Variants in ITSN1 observed in about 807,000 individuals in gnomAD.
The protein encoded by ITSN1 is intersectin-1.
In ITSN1, 58 loss-of-function variants were observed where a neutral mutation model predicts 239.8. That is an observed-to-expected ratio of 0.24 (90% CI 0.20 to 0.30). The LOEUF (loss-of-function observed/expected upper bound fraction) is 0.30, where lower values mean the gene tolerates loss of function less well. Among genes scored for constraint, ITSN1 ranks in the 10% least tolerant of loss-of-function variants. The pLI, the probability that ITSN1 is intolerant of heterozygous loss-of-function variation, is 1.00. For synonymous variants in ITSN1, 780 were observed against 770.8 expected, an observed-to-expected ratio of 1.01 and a Z score of -0.20; for missense variants, 1,558 against 2,103.3, an observed-to-expected ratio of 0.74 and a Z score of 5.07.
At chr21:33,811,783 G>A (rs566023907) in intron 21 of ITSN1, among the ~76,000 whole-genome samples, 1 of 152,326 alleles carries the variant, frequency 6.6e-6, no homozygotes, top group East Asian at 1.9e-4. Context: ...AAAACTGTGT[G>A]TAAGCAGAGG....
rs530203635 is a variant in ITSN1 at position 33,720,507 on chromosome 21, A to G, written c.29-671A>G. Among the ~76,000 whole-genome samples, 209 of 152,286 alleles carry G rather than the reference A, an allele frequency of 1.4e-3. 1 individual carries two copies. The highest frequency in any genetic ancestry group is 2.3e-3 in the Non-Finnish European group (158 of 68,014). ...TCAGCCTAAGAGCTGAAACTGAAGG[A>G]AAACCTAAAACCCATTCTCTTTGGC... On this transcript the variant is annotated intron_variant, in intron 2 of 39. Transcript: ENST00000381318.
At chr21:33,650,324 C>T (rs772652018) in intron 1 of ITSN1, among the ~76,000 whole-genome samples, 6 of 152,100 alleles carry the variant, frequency 3.9e-5, no homozygotes, top group African/African-American at 9.7e-5. Context: ...TTAAGAAGGA[C>T]GCTGACTCTT....
intron 28 of ITSN1, among the ~76,000 whole-genome samples, chr21:33,834,696 A>G (rs148272710): frequency 1.1e-4 from 17 of 151,528 alleles, no homozygotes; most frequent in African/African-American, 4.1e-4. Context: ...TTAAGGCCAC[A>G]TTTTCCTCTT....
intron 11 of ITSN1, 126 bp from the exon 12 acceptor site, chr21:33,771,935 C>G (rs780801806): frequency 4.1e-5 from 43 of 1,036,296 alleles, no homozygotes; most frequent in Non-Finnish European, 5.0e-5. Context: ...AACAAGGACA[C>G]AGAAGCTTAG....
rs1265786173 is a variant in ITSN1, at chr21:33,735,221, A to G, written c.346+17A>G. ...CAGCATTTGGTAAGTCTGAAAATGA[A>G]TTGGTTTCTGTATTTTCTTGTATAT... On this transcript the variant is annotated intron_variant, in intron 5 of 39. Transcript: ENST00000381318. 8.1e-6 allele frequency: 13 copies of G among 1,608,802 alleles called. No homozygotes were observed. The highest frequency in any genetic ancestry group is 1.1e-5 in the Non-Finnish European group (13 of 1,177,126).
chr21:33,646,135 A>T (rs937534714), intron 1 of ITSN1, among the ~76,000 whole-genome samples: 5 of 152,128 alleles, frequency 3.3e-5, no homozygotes, highest in African/African-American at 9.7e-5. Context: ...TTACAAAAAA[A>T]TTTTTTTTAG....
At chr21:33,771,402 A>G (rs2069148239) in intron 11 of ITSN1, among the ~76,000 whole-genome samples, 1 of 152,220 alleles carries the variant, frequency 6.6e-6, no homozygotes, top group Non-Finnish European at 1.5e-5. Flanking sequence ...GAAATGAAAT[A>G]GACACTGCTG....
intron 1 of ITSN1, among the ~76,000 whole-genome samples, chr21:33,687,303 C>T (rs186712662): frequency 6.8e-6 from 1 of 146,986 alleles, no homozygotes; most frequent in African/African-American, 2.5e-5. Flanking sequence ...GAGGCTGTGG[C>T]ACGAGAATTG....
chr21:33,736,323 G>A (rs2066499166), intron 5 of ITSN1, among the ~76,000 whole-genome samples: 1 of 152,192 alleles, frequency 6.6e-6, no homozygotes, highest in Non-Finnish European at 1.5e-5. Flanking sequence ...TTAATGATAA[G>A]CTAAGATACA....
intron 23 of ITSN1, 123 bp downstream of exon 23, chr21:33,818,595 C>A: frequency 1.2e-6 from 1 of 823,168 alleles, no homozygotes; most frequent in Non-Finnish European, 2.0e-6. Flanking sequence ...GATCTTTTAA[C>A]TGCAAAAGTT....
At chr21:33,757,913 G>T (rs532243130) in intron 8 of ITSN1, among the ~76,000 whole-genome samples, 1 of 151,986 alleles carries the variant, frequency 6.6e-6, no homozygotes, top group East Asian at 1.9e-4. Context: ...GACTTGCTTT[G>T]TTACCCAGGC....
chr21:33,813,575 A>G (rs1272750598), intron 21 of ITSN1, among the ~76,000 whole-genome samples: 2 of 151,448 alleles, frequency 1.3e-5, no homozygotes, highest in African/African-American at 4.9e-5. Flanking sequence ...CTGGTCTCGA[A>G]CTCTTGACCT....
chr21:33,709,597 T>G (rs533509377), intron 1 of ITSN1, among the ~76,000 whole-genome samples: 1 of 152,314 alleles, frequency 6.6e-6, no homozygotes, highest in East Asian at 1.9e-4. Context: ...TTTGTTAAAT[T>G]TACATTTAGA....
intron 1 of ITSN1, among the ~76,000 whole-genome samples, chr21:33,688,941 G>A (rs2146623082): frequency 6.6e-6 from 1 of 151,946 alleles, no homozygotes; most frequent in East Asian, 1.9e-4. Context: ...TCCTGTCTTA[G>A]CCTCCTGAGT....
intron 33 of ITSN1, among the ~76,000 whole-genome samples, chr21:33,867,921 C>T (rs1981926709): frequency 6.6e-6 from 1 of 152,012 alleles, no homozygotes; most frequent in Admixed American, 6.6e-5. Context: ...TCCCGGTGGG[C>T]TCGTGGTCTC....
intron 1 of ITSN1, among the ~76,000 whole-genome samples, chr21:33,702,118 T>G (rs1601722692): frequency 1.3e-5 from 2 of 149,786 alleles, no homozygotes; most frequent in African/African-American, 4.9e-5. Flanking sequence ...TTTTTTTTTT[T>G]TTTTTTTTTT....
At chr21:33,807,825 A>T (rs2072577573) in intron 20 of ITSN1, among the ~76,000 whole-genome samples, 1 of 152,218 alleles carries the variant, frequency 6.6e-6, no homozygotes, top group Non-Finnish European at 1.5e-5. Flanking sequence ...GCAGAGGACC[A>T]GGCAGTTAGA....
intron 12 of ITSN1, among the ~76,000 whole-genome samples, chr21:33,773,985 A>G (rs2069389128): frequency 6.6e-6 from 1 of 152,088 alleles, no homozygotes; most frequent in Non-Finnish European, 1.5e-5. Flanking sequence ...CGGCCCCGTA[A>G]CTCCTTTTTG....
At chr21:33,677,933 C>T (rs960060550) in intron 1 of ITSN1, among the ~76,000 whole-genome samples, 1 of 152,144 alleles carries the variant, frequency 6.6e-6, no homozygotes, top group Non-Finnish European at 1.5e-5. Flanking sequence ...GTCTTGGTTC[C>T]ACTTTGTCTC....
Sources: allele counts gnomAD v4.1 joint callset (sites outside exome capture counted in the v4.1 genomes callset), GRCh38; gene constraint gnomAD v4.1.1; transcripts MANE v1.5; gene names NCBI Gene and HGNC (gene_info 2026-07-23, HGNC 2026-07-21).